KCNG2: variants seen among roughly 807,000 people sequenced by gnomAD.
KCNG2 encodes the protein voltage-gated potassium channel regulatory subunit KCNG2.
A neutral mutation model predicts 12.3 loss-of-function variants in KCNG2; 7 were observed. The ratio of observed to expected loss-of-function variants is 0.57; its 90% CI spans 0.32 to 1.07. KCNG2 has a LOEUF of 1.07. KCNG2 is among the 50% of genes least tolerant of loss of function. KCNG2 has a pLI of 0.04. For missense variants in KCNG2, 703 were observed against 726.0 expected, an observed-to-expected ratio of 0.97 and a Z score of 0.36; for synonymous variants, 414 against 351.4, an observed-to-expected ratio of 1.18 and a Z score of -1.99.
chr18:79,813,216 C>T (rs530619185), intron 1 of KCNG2, among the ~76,000 whole-genome samples: 9 of 152,162 alleles, frequency 5.9e-5, no homozygotes, highest in African/African-American at 9.6e-5. Context: ...GTATCTTTCA[C>T]GAATTCACAT....
At chr18:79,807,529 T>G (rs551389129) in intron 1 of KCNG2, among the ~76,000 whole-genome samples, 1 of 152,330 alleles carries the variant, frequency 6.6e-6, no homozygotes, top group African/African-American at 2.4e-5. Context: ...ATTCACTCCA[T>G]TTTACAGATG....
chr18:79,889,832 G>A (rs938269698), intron 3 of KCNG2, among the ~76,000 whole-genome samples: 1 of 152,236 alleles, frequency 6.6e-6, no homozygotes, highest in Non-Finnish European at 1.5e-5. Flanking sequence ...AGGGAGCACG[G>A]AGTCTTTCGT....
chr18:79,825,068 T>G (rs2087602545), intron 1 of KCNG2, among the ~76,000 whole-genome samples: 1 of 127,078 alleles, frequency 7.9e-6, no homozygotes, highest in African/African-American at 2.7e-5. Context: ...GAGAATTCTC[T>G]GTAAACCTGT....
chr18:79,869,554 C>A (rs1979749036), intron 3 of KCNG2, among the ~76,000 whole-genome samples: 1 of 152,154 alleles, frequency 6.6e-6, no homozygotes. Flanking sequence ...CCTGTGCTGT[C>A]CAAGCAGGCT....
intron 3 of KCNG2, among the ~76,000 whole-genome samples, chr18:79,872,766 A>G (rs1979900067): frequency 6.6e-6 from 1 of 152,214 alleles, no homozygotes; most frequent in African/African-American, 2.4e-5. Flanking sequence ...TTCCTCACCA[A>G]ACAAATGCAG....
At chr18:79,866,360 G>A (rs1979545812) in intron 3 of KCNG2, among the ~76,000 whole-genome samples, 1 of 102,614 alleles carries the variant, frequency 9.7e-6, no homozygotes, top group African/African-American at 3.1e-5. Flanking sequence ...TCTGTGTGCT[G>A]AGGTCTGGGT....
chr18:79,873,493 C>T (rs922408572), intron 3 of KCNG2, among the ~76,000 whole-genome samples: 21 of 149,348 alleles, frequency 1.4e-4, no homozygotes, highest in African/African-American at 5.2e-4. Context: ...CCCCTCTGAG[C>T]ACATCCAGCC....
chr18:79,818,149 G>T (rs1265001549), intron 1 of KCNG2, among the ~76,000 whole-genome samples: 4 of 152,218 alleles, frequency 2.6e-5, no homozygotes, highest in Non-Finnish European at 4.4e-5. Flanking sequence ...TGCCTGTCCT[G>T]GATCCATGTG....
chr18:79,865,653 T>C (rs1979472167), intron 3 of KCNG2, among the ~76,000 whole-genome samples: 1 of 141,992 alleles, frequency 7.0e-6, no homozygotes, highest in African/African-American at 2.7e-5. Flanking sequence ...GAAGTTTGCA[T>C]GCTGAGAGAT....
chr18:79,821,924 A>G (rs543842135), intron 1 of KCNG2, among the ~76,000 whole-genome samples: 15 of 152,178 alleles, frequency 9.9e-5, no homozygotes, highest in Non-Finnish European at 1.8e-4. Flanking sequence ...TTAAGACTCC[A>G]TATGAATTTT....
chr18:79,798,249 C>T (rs936032666), intron 1 of KCNG2, among the ~76,000 whole-genome samples: 59 of 152,016 alleles, frequency 3.9e-4, no homozygotes, highest in East Asian at 2.0e-4. Context: ...GGTGCCTCCC[C>T]CTCCCGCTCA....
intron 2 of KCNG2, among the ~76,000 whole-genome samples, chr18:79,862,206 T>C (rs1418897642): frequency 6.6e-6 from 1 of 152,228 alleles, no homozygotes; most frequent in Non-Finnish European, 1.5e-5. Context: ...TTGTTGAAAA[T>C]GAAATTTTTA....
chr18:79,820,171 T>C (rs1322375659), intron 1 of KCNG2, among the ~76,000 whole-genome samples: 3 of 152,244 alleles, frequency 2.0e-5, no homozygotes, highest in Non-Finnish European at 4.4e-5. Context: ...ATGGGACTGA[T>C]GCTGCTCTGA....
In KCNG2 at chr18:79,899,465, C is replaced by T. The variant is rs1981119960; in HGVS notation, c.1050C>T (p.Arg350=). The change falls in exon 4 of 4, where the codon CGC becomes CGT. Residue 350 remains arginine, a synonymous_variant. Transcript: ENST00000316249. ...TGGCCGAGCGCGAGCTGGGCGCGCG[C>T]CGCGACTTCTCCAGCGTGCCCGCCA... The part of the protein sequence containing the change: ...VHLAERELGA[R]RDFSSVPASY... The T allele has an allele frequency of 1.2e-6, 2 of 1,605,010 alleles. No individual in the cohort carries two copies. Among genetic ancestry groups the T allele is most frequent in the Admixed American group, 3.4e-5 (2 of 59,360 alleles).
chr18:79,846,374 CAAAAA>C (rs11421957), intron 1 of KCNG2, among the ~76,000 whole-genome samples: 1 of 61,582 alleles, frequency 1.6e-5, no homozygotes, highest in South Asian at 8.2e-4. Context: ...GACTCCGTCT[CAAAAA>C]AAAAAAAAAA....
chr18:79,897,006 C>T (rs1980999495), intron 3 of KCNG2, among the ~76,000 whole-genome samples: 1 of 152,182 alleles, frequency 6.6e-6, no homozygotes, highest in South Asian at 2.1e-4. Flanking sequence ...TGCTTCAATA[C>T]TTTTTCCTTG....
At chr18:79,862,904 T>C (rs1043483081) in intron 2 of KCNG2, among the ~76,000 whole-genome samples, 1 of 152,236 alleles carries the variant, frequency 6.6e-6, no homozygotes, top group African/African-American at 2.4e-5. Flanking sequence ...CTCCTTCCAG[T>C]GCTGGTACCG....
rs899905317 is a variant in KCNG2 at position 79,876,454 on chromosome 18, A to T, written c.624+12163A>T. Among the ~76,000 whole-genome samples the T allele has an allele frequency of 4.6e-5, 7 of 152,350 alleles. No individual in the cohort carries two copies. The East Asian group carries it at 7.7e-4, about 17-fold the overall frequency. The stretch of plus-strand genomic sequence containing the variant: ...ACTGCTGTGGGCTGCAGTTCCCGGG[A>T]AACAGCAGTGGAAACCAGCGGCCCA... On this transcript the variant is annotated intron_variant, in intron 3 of 3. Transcript: ENST00000316249.
intron 1 of KCNG2, among the ~76,000 whole-genome samples, chr18:79,813,026 G>A (rs1239472777): frequency 3.9e-5 from 6 of 151,914 alleles, no homozygotes; most frequent in African/African-American, 7.3e-5. Flanking sequence ...GTGGTGGCGG[G>A]TGCCTGTAAT....
Sources: gnomAD v4.1 joint callset for allele counts (sites outside exome capture counted in the v4.1 genomes callset) on GRCh38, gnomAD v4.1.1 for gene constraint, MANE v1.5 for transcripts, NCBI Gene and HGNC (gene_info 2026-07-23, HGNC 2026-07-21) for gene names.